EPSTI1: variants seen among roughly 807,000 people sequenced by gnomAD.
The protein encoded by EPSTI1 is epithelial stromal interaction 1.
EPSTI1 carries 66 observed loss-of-function variants against 49.9 expected under a neutral mutation model. The ratio of observed to expected loss-of-function variants is 1.32; its 90% CI spans 1.08 to 1.62. The LOEUF (loss-of-function observed/expected upper bound fraction) is 1.62. EPSTI1 is among the 40% of genes most tolerant of loss of function. The pLI, the probability that EPSTI1 is intolerant of heterozygous loss-of-function variation, is 0.00. For synonymous variants in EPSTI1, 137 were observed against 130.7 expected (o/e 1.05, Z -0.33); for missense variants, 394 against 365.5 (o/e 1.08, Z -0.64).
Position 42,922,364 on chromosome 13 carries a change from C to G in EPSTI1, c.657+3972G>C, listed in dbSNP as rs1399649616. ...ATTAGCCTGGATAGTCCAGGTGGGC[C>G]CATTGTAATCAAAAGGGTCATTATA... On this transcript the variant is annotated intron_variant, in intron 7 of 10. Transcript: ENST00000313624. The surrounding 1 kb of genome is among the most constrained non-coding windows in gnomAD (Gnocchi z 4.8). Among the ~76,000 whole-genome samples, 2 of 151,936 alleles carry G rather than the reference C, an allele frequency of 1.3e-5. No individual in the cohort carries two copies. The highest frequency in any genetic ancestry group is 2.1e-4 in the South Asian group (1 of 4,798).
chr13:42,922,161 A>C lies in EPSTI1; in HGVS notation c.657+4175T>G, dbSNP rs2038020974. The stretch of plus-strand genomic sequence containing the variant: ...AAGAAATGAGTTAATAAGGTCTAAA[A>C]TTGATTAGTCAAGAGATACCAACAC... On this transcript the variant is annotated intron_variant, in intron 7 of 10. Transcript: ENST00000313624. This position sits in a 1 kb window ranked among gnomAD's most constrained non-coding sequence, Gnocchi z 4.8. Among the ~76,000 whole-genome samples the C allele has an allele frequency of 6.6e-6, 1 of 152,244 alleles. No individual in the cohort carries two copies. The highest frequency in any genetic ancestry group is 6.5e-5 in the Admixed American group (1 of 15,286).
At chr13:42,955,341 A>G (rs1006895039) in intron 5 of EPSTI1, among the ~76,000 whole-genome samples, 4 of 152,200 alleles carry the variant, frequency 2.6e-5, no homozygotes, top group Non-Finnish European at 4.4e-5. Flanking sequence ...TGATTAAACC[A>G]GTATTCAGAA....
chr13:42,908,484 GAA>G (rs140923122), intron 8 of EPSTI1, among the ~76,000 whole-genome samples: 3 of 113,350 alleles, frequency 2.6e-5, no homozygotes, highest in African/African-American at 3.6e-5. Context: ...ACTCTGTTAT[GAA>G]AAAAAAAAAA....
intron 6 of EPSTI1, among the ~76,000 whole-genome samples, chr13:42,932,523 G>T (rs889304676): frequency 6.6e-6 from 1 of 151,542 alleles, no homozygotes; most frequent in Non-Finnish European, 1.5e-5. Context: ...GGGGGCAAAA[G>T]TCTCTCGATC....
At chr13:42,937,309 G>C (rs564670768) in intron 6 of EPSTI1, among the ~76,000 whole-genome samples, 10 of 152,168 alleles carry the variant, frequency 6.6e-5, no homozygotes, top group Non-Finnish European at 1.3e-4. Flanking sequence ...GACTAATCAG[G>C]GTGGTAGTTG....
At chr13:42,961,195 T>C (rs904766974) in intron 5 of EPSTI1, among the ~76,000 whole-genome samples, 6 of 152,218 alleles carry the variant, frequency 3.9e-5, no homozygotes, top group Non-Finnish European at 8.8e-5. Flanking sequence ...CTTTTTCATT[T>C]AGTGCTAAGC....
chr13:42,937,060 C>CA (rs60924878), intron 6 of EPSTI1, among the ~76,000 whole-genome samples: 71,910 of 151,864 alleles, frequency 0.47, 17,184 homozygotes, highest in Middle Eastern at 0.52. Flanking sequence ...CAGACCACTG[C>CA]AAAAAAAGCA....
intron 6 of EPSTI1, among the ~76,000 whole-genome samples, chr13:42,950,721 G>A (rs1033094781): frequency 2.6e-5 from 4 of 152,172 alleles, no homozygotes; most frequent in Admixed American, 2.6e-4. Flanking sequence ...GGTGAAACTA[G>A]CAAAGTATTG....
At chr13:42,956,390 T>C (rs1274113187) in intron 5 of EPSTI1, among the ~76,000 whole-genome samples, 1 of 151,970 alleles carries the variant, frequency 6.6e-6, no homozygotes, top group Non-Finnish European at 1.5e-5. Flanking sequence ...GAGAGAGAAA[T>C]TCTATATCCA....
chr13:42,924,050 CT>C (rs1376854431), intron 7 of EPSTI1, among the ~76,000 whole-genome samples: 1 of 152,186 alleles, frequency 6.6e-6, no homozygotes, highest in African/African-American at 2.4e-5. Context: ...CAGGTGTCCT[CT>C]TTTTACAAAG....
chr13:42,983,563 CAAAAAAAAAAAAAAA>C (rs56259281), intron 1 of EPSTI1, among the ~76,000 whole-genome samples: 5 of 95,500 alleles, frequency 5.2e-5, no homozygotes, highest in South Asian at 3.7e-4. Flanking sequence ...GACTCCATCT[CAAAAAAAAAAAAAAA>C]AAAAAAAAAA....
intron 1 of EPSTI1, 74 bp from the exon 2 acceptor site, chr13:42,970,744 CCTT>C (rs2095437618): frequency 8.4e-7 from 1 of 1,194,750 alleles, no homozygotes; most frequent in Non-Finnish European, 1.2e-6. Flanking sequence ...AGATATTTTT[CCTT>C]CTATTATACT....
chr13:42,903,219 T>TAAA (rs1566102462), intron 8 of EPSTI1, among the ~76,000 whole-genome samples: 9 of 49,080 alleles, frequency 1.8e-4, no homozygotes, highest in Non-Finnish European at 6.9e-4. Flanking sequence ...CATGTTACTT[T>TAAA]AAAATTTTTA....
chr13:42,955,889 GA>G (rs1246566050), intron 5 of EPSTI1, among the ~76,000 whole-genome samples: 87 of 131,004 alleles, frequency 6.6e-4, no homozygotes, highest in African/African-American at 2.0e-3. Context: ...GGGGGGGGGG[GA>G]AGTAGTAGTA....
intron 1 of EPSTI1, among the ~76,000 whole-genome samples, chr13:42,986,683 G>T (rs7490664): frequency 0.96 from 143,109 of 149,670 alleles, 68,667 homozygotes; most frequent in Non-Finnish European, 1. Flanking sequence ...AGGCAGAGGT[G>T]GCAGTGAACT....
Position 42,888,191 on chromosome 13 carries a change from A to G in EPSTI1, c.*303T>C. 1 of 1,580,754 alleles carries G rather than the reference A, an allele frequency of 6.3e-7. No homozygotes were observed. The highest frequency in any genetic ancestry group is 1.2e-5 in the South Asian group (1 of 86,176). On this transcript the variant is annotated 3_prime_UTR_variant, in exon 11 of 11. Transcript: ENST00000313624. ...CACCCATAGCTCTGATTAACCTGAA[A>G]GCATCAAGTGACTCCCTCTTTTTCT... is the stretch of plus-strand genomic sequence containing the variant.
chr13:42,930,765 C>G (rs2153422779), intron 6 of EPSTI1, among the ~76,000 whole-genome samples: 1 of 152,344 alleles, frequency 6.6e-6, no homozygotes, highest in Middle Eastern at 3.4e-3. Context: ...CTTAATACCT[C>G]TCTCAACCTG....
At chr13:42,958,919 G>T (rs2039358824) in intron 5 of EPSTI1, among the ~76,000 whole-genome samples, 1 of 152,134 alleles carries the variant, frequency 6.6e-6, no homozygotes, top group Admixed American at 6.5e-5. Context: ...ATTCATGTGG[G>T]TTTAGTAGAA....
chr13:42,913,006 T>A (rs923567435), intron 8 of EPSTI1, among the ~76,000 whole-genome samples: 1 of 151,880 alleles, frequency 6.6e-6, no homozygotes, highest in African/African-American at 2.4e-5. Context: ...AGACATGTAT[T>A]TTCAGATTAA....
Sources: gnomAD v4.1 joint callset for allele counts (sites outside exome capture counted in the v4.1 genomes callset) on GRCh38, gnomAD v4.1.1 for gene constraint, Gnocchi (gnomAD v3.1) non-coding constraint, MANE v1.5 for transcripts, NCBI Gene and HGNC (gene_info 2026-07-23, HGNC 2026-07-21) for gene names.